BRD10: variants seen among roughly 807,000 people sequenced by gnomAD.
BRD10 encodes the protein uncharacterized bromodomain-containing protein 10.
the BRD10 span, among the ~76,000 whole-genome samples, chr9:5,930,829 C>T: frequency 6.6e-6 from 1 of 152,100 alleles, no homozygotes. Flanking sequence ...TATAAAAGTG[C>T]TTATTTTAAG....
chr9:5,977,907 T>C, the BRD10 span, among the ~76,000 whole-genome samples: 1 of 152,198 alleles, frequency 6.6e-6, no homozygotes, highest in African/African-American at 2.4e-5. Flanking sequence ...TCCAGAATTA[T>C]TCTCATTTAA....
the BRD10 span, among the ~76,000 whole-genome samples, chr9:5,936,366 A>T: frequency 6.6e-6 from 1 of 152,124 alleles, no homozygotes; most frequent in African/African-American, 2.4e-5. Flanking sequence ...AAAACAAATA[A>T]ATGAATAATT....
chr9:5,989,540 A>AT, the BRD10 span, among the ~76,000 whole-genome samples: 15,144 of 137,928 alleles, frequency 0.11, 970 homozygotes, highest in Admixed American at 0.16. Flanking sequence ...TAAAATGTAA[A>AT]TTTTTTTTTT....
At chr9:5,901,506 G>C in the BRD10 span, among the ~76,000 whole-genome samples, 1 of 152,006 alleles carries the variant, frequency 6.6e-6, no homozygotes, top group African/African-American at 2.4e-5. Flanking sequence ...TGATGTATCA[G>C]AATAATTCAT....
At chr9:5,966,401 G>A in the BRD10 span, among the ~76,000 whole-genome samples, 2 of 150,068 alleles carry the variant, frequency 1.3e-5, no homozygotes, top group East Asian at 3.9e-4. Flanking sequence ...TAATTGAGTT[G>A]GGAAGTAGTT....
chr9:5,949,369 A>T, the BRD10 span, among the ~76,000 whole-genome samples: 1 of 151,848 alleles, frequency 6.6e-6, no homozygotes, highest in Non-Finnish European at 1.5e-5. Flanking sequence ...AAACAAACAA[A>T]CAAACAACAA....
chr9:5,929,031 A>T, the BRD10 span: 2 of 1,368,154 alleles, frequency 1.5e-6, no homozygotes, highest in Non-Finnish European at 2.1e-6. Context: ...ACAGATTATA[A>T]CATTAAAATT....
the BRD10 span, among the ~76,000 whole-genome samples, chr9:5,902,726 C>T: frequency 6.6e-6 from 1 of 151,492 alleles, no homozygotes; most frequent in Admixed American, 6.6e-5. Flanking sequence ...TGGTTGGTCT[C>T]AAACTCCTGG....
the BRD10 span, among the ~76,000 whole-genome samples, chr9:5,980,235 G>A: frequency 6.6e-6 from 1 of 151,912 alleles, no homozygotes; most frequent in Non-Finnish European, 1.5e-5. Flanking sequence ...TCACTTAGAG[G>A]GCTGCTGTCT....
the BRD10 span, among the ~76,000 whole-genome samples, chr9:5,990,023 C>T: frequency 2.0e-5 from 3 of 152,246 alleles, no homozygotes; most frequent in East Asian, 1.9e-4. Context: ...CTCTGTTATA[C>T]GGTGATAACA....
At chr9:6,007,444 A>C in the BRD10 span, 1 of 1,606,850 alleles carries the variant, frequency 6.2e-7, no homozygotes, top group Non-Finnish European at 8.5e-7. Context: ...CCCTTCCGCC[A>C]CCTCCTCCTC....
chr9:5,887,196 T>G, the BRD10 span, among the ~76,000 whole-genome samples: 2 of 150,444 alleles, frequency 1.3e-5, no homozygotes, highest in Non-Finnish European at 3.0e-5. Context: ...GAGGTGGAGG[T>G]TGCAGTGACC....
chr9:5,901,619 G>T, the BRD10 span, among the ~76,000 whole-genome samples: 1 of 151,980 alleles, frequency 6.6e-6, no homozygotes, highest in African/African-American at 2.4e-5. Context: ...CCCAGGCTCA[G>T]GTGATCCTCC....
the BRD10 span, among the ~76,000 whole-genome samples, chr9:5,992,835 G>T: frequency 5.3e-5 from 8 of 151,740 alleles, no homozygotes; most frequent in Admixed American, 2.6e-4. Context: ...ACAAGAAAGT[G>T]AATTGATATT....
the BRD10 span, among the ~76,000 whole-genome samples, chr9:5,881,201 G>C: frequency 6.6e-6 from 1 of 152,130 alleles, no homozygotes; most frequent in Non-Finnish European, 1.5e-5. Context: ...TATCAGCAGG[G>C]AGACAGAAAT....
chr9:5,947,692 T>A, the BRD10 span, among the ~76,000 whole-genome samples: 105 of 152,192 alleles, frequency 6.9e-4, no homozygotes, highest in Non-Finnish European at 1.2e-3. Flanking sequence ...GTTTGACTTA[T>A]GCCAACTCGA....
chr9:5,882,456 A>C, the BRD10 span, among the ~76,000 whole-genome samples: 1 of 152,188 alleles, frequency 6.6e-6, no homozygotes, highest in African/African-American at 2.4e-5. Flanking sequence ...ACCCTGACAA[A>C]TTGAACCCTG....
chr9:5,919,628 T>C, the BRD10 span: 1 of 1,478,280 alleles, frequency 6.8e-7, no homozygotes, highest in Non-Finnish European at 9.0e-7. Context: ...TTGAAAATTT[T>C]TATGGGAGTC....
chr9:5,920,044 T>C, the BRD10 span: 2 of 1,613,760 alleles, frequency 1.2e-6, no homozygotes, highest in Non-Finnish European at 1.7e-6. Context: ...TGTTTATGAG[T>C]TGTGGTGATG....
Sources: gnomAD v4.1 joint callset for allele counts (sites outside exome capture counted in the v4.1 genomes callset) on GRCh38, gnomAD v4.1.1 for gene constraint, MANE v1.5 for transcripts, NCBI Gene and HGNC (gene_info 2026-07-23, HGNC 2026-07-21) for gene names.